EPB41L4A: variants seen among roughly 807,000 people sequenced by gnomAD.
The protein encoded by EPB41L4A is band 4.1-like protein 4A.
EPB41L4A carries 100 observed loss-of-function variants against 108.6 expected under a neutral mutation model. That is an observed-to-expected ratio of 0.92 (90% CI 0.78 to 1.09). EPB41L4A has a LOEUF of 1.09. EPB41L4A is among the 50% of genes least tolerant of loss of function. The pLI, the probability that EPB41L4A is intolerant of heterozygous loss-of-function variation, is 0.00. For missense variants in EPB41L4A, 1,030 were observed against 842.7 expected, an observed-to-expected ratio of 1.22 and a Z score of -2.75; for synonymous variants, 319 against 289.0, an observed-to-expected ratio of 1.10 and a Z score of -1.05.
intron 1 of EPB41L4A, among the ~76,000 whole-genome samples, chr5:112,354,214 G>C (rs994804624): frequency 6.6e-6 from 1 of 152,120 alleles, no homozygotes; most frequent in African/African-American, 2.4e-5. Flanking sequence ...CTCATTATAC[G>C]TTCCTCATCA....
chr5:112,268,253 C>T lies in EPB41L4A; in HGVS notation c.336-1923G>A, dbSNP rs146723420. On this transcript the variant is annotated intron_variant, in intron 4 of 22. Coordinates refer to ENST00000261486, the MANE Select transcript of EPB41L4A (RefSeq NM_022140.5). ...AAAAGTTAGGAGTGGTGGCGCATGC[C>T]GGTAGTCCCAGCTACTTGGGAAGGT... 2.9e-3 allele frequency among the ~76,000 whole-genome samples: 441 copies of T among 152,252 alleles called. 1 individual carries two copies. The highest frequency in any genetic ancestry group is 0.01 in the Middle Eastern group (3 of 294).
At position 112,273,596 on chromosome 5, in the gene EPB41L4A, A is replaced by G. The variant is rs534499044; in HGVS notation, c.335+1730T>C. 7.5e-4 allele frequency among the ~76,000 whole-genome samples: 115 copies of G among 152,334 alleles called. 2 individuals carry two copies. The highest frequency in any genetic ancestry group is 2.2e-3 in the African/African-American group (93 of 41,574). Reference sequence around the variant, plus strand: ...AACATAGTACGAGACACGGACAATCATAAGAGCTTTATATATATTATTCCA... The same window carrying G: ...AACATAGTACGAGACACGGACAATCGTAAGAGCTTTATATATATTATTCCA... On this transcript the variant is annotated intron_variant, in intron 4 of 22. Coordinates refer to ENST00000261486, the MANE Select transcript of EPB41L4A (RefSeq NM_022140.5).
At chr5:112,382,131 C>T (rs541136740) in intron 1 of EPB41L4A, among the ~76,000 whole-genome samples, 1 of 152,268 alleles carries the variant, frequency 6.6e-6, no homozygotes, top group African/African-American at 2.4e-5. Context: ...AACTTAACAT[C>T]CATTCTGGCT....
At chr5:112,196,038 C>T (rs1395163388) in intron 15 of EPB41L4A, among the ~76,000 whole-genome samples, 1 of 152,150 alleles carries the variant, frequency 6.6e-6, no homozygotes, top group Non-Finnish European at 1.5e-5. Context: ...CACTTGGATG[C>T]CCTTTCCCAT....
At chr5:112,359,762 C>A (rs907330869) in intron 1 of EPB41L4A, among the ~76,000 whole-genome samples, 1 of 152,050 alleles carries the variant, frequency 6.6e-6, no homozygotes, top group African/African-American at 2.4e-5. Flanking sequence ...GGATGGTCTC[C>A]ATCTCCTGAC....
At chr5:112,277,726 T>C (rs1040606050) in intron 3 of EPB41L4A, among the ~76,000 whole-genome samples, 8 of 152,232 alleles carry the variant, frequency 5.3e-5, no homozygotes, top group Non-Finnish European at 8.8e-5. Flanking sequence ...TACTCTCATA[T>C]GCATCACTGT....
At chr5:112,254,596 G>C (rs943208836) in intron 9 of EPB41L4A, among the ~76,000 whole-genome samples, 2 of 152,128 alleles carry the variant, frequency 1.3e-5, no homozygotes, top group African/African-American at 4.8e-5. Flanking sequence ...CCTAAGAAGA[G>C]TCAGGCTGAA....
At chr5:112,170,800 T>C (rs1200564105) in intron 19 of EPB41L4A, 145 bp downstream of exon 19, 1 of 693,976 alleles carries the variant, frequency 1.4e-6, no homozygotes, top group Non-Finnish European at 2.5e-6. Flanking sequence ...ACCACCACCA[T>C]GTGCTCCATG....
chr5:112,325,130 G>T (rs1253205270), intron 1 of EPB41L4A, among the ~76,000 whole-genome samples: 1 of 141,208 alleles, frequency 7.1e-6, no homozygotes, highest in Non-Finnish European at 1.5e-5. Flanking sequence ...CAAACTGCGA[G>T]AAATTACGCA....
At chr5:112,391,197 C>G (rs1006269460) in intron 1 of EPB41L4A, among the ~76,000 whole-genome samples, 2 of 152,132 alleles carry the variant, frequency 1.3e-5, no homozygotes, top group East Asian at 1.9e-4. Flanking sequence ...TCGCCAGCAA[C>G]AGAACTAAGC....
intron 1 of EPB41L4A, among the ~76,000 whole-genome samples, chr5:112,375,111 C>T (rs1401720705): frequency 6.6e-6 from 1 of 152,140 alleles, no homozygotes; most frequent in African/African-American, 2.4e-5. Context: ...GTCGTTGCTA[C>T]TTTTAGCTCC....
At chr5:112,237,170 TA>T (rs1749402584) in intron 11 of EPB41L4A, among the ~76,000 whole-genome samples, 1 of 152,202 alleles carries the variant, frequency 6.6e-6, no homozygotes, top group Non-Finnish European at 1.5e-5. Flanking sequence ...TAGCAATGTA[TA>T]ACAAAATGTT....
At chr5:112,214,568 C>G (rs1166066494) in intron 12 of EPB41L4A, among the ~76,000 whole-genome samples, 1 of 151,942 alleles carries the variant, frequency 6.6e-6, no homozygotes, top group African/African-American at 2.4e-5. Context: ...TCGAGACCAT[C>G]CTGGCTAAAG....
chr5:112,227,540 TATA>T (rs1189573847), intron 12 of EPB41L4A, among the ~76,000 whole-genome samples: 1 of 152,160 alleles, frequency 6.6e-6, no homozygotes, highest in Non-Finnish European at 1.5e-5. Flanking sequence ...TAAGTGACTT[TATA>T]ATATTACATG....
chr5:112,160,343 C>T (rs1561435458), downstream of EPB41L4A, among the ~76,000 whole-genome samples: 1 of 152,134 alleles, frequency 6.6e-6, no homozygotes, highest in Non-Finnish European at 1.5e-5. Context: ...TGTAGAATTT[C>T]AGCATCCGGG....
chr5:112,326,660 T>C (rs75109857), intron 1 of EPB41L4A, among the ~76,000 whole-genome samples: 1,694 of 152,290 alleles, frequency 0.011, 32 homozygotes, highest in African/African-American at 0.039. Context: ...AAAAAGGATG[T>C]TATGTGTGGC....
chr5:112,372,435 C>A (rs1209529905), intron 1 of EPB41L4A, among the ~76,000 whole-genome samples: 2 of 152,086 alleles, frequency 1.3e-5, no homozygotes, highest in African/African-American at 4.8e-5. Context: ...GACAGAGAGC[C>A]AAAACAAATC....
intron 1 of EPB41L4A, among the ~76,000 whole-genome samples, chr5:112,385,691 T>C (rs1580803729): frequency 1.3e-5 from 2 of 152,102 alleles, no homozygotes; most frequent in African/African-American, 4.8e-5. Context: ...GAGACTCCAA[T>C]AGACCAAAGG....
intron 17 of EPB41L4A, among the ~76,000 whole-genome samples, chr5:112,186,452 T>C (rs1017153483): frequency 6.6e-6 from 1 of 152,180 alleles, no homozygotes; most frequent in Non-Finnish European, 1.5e-5. Context: ...ATAATAGTAA[T>C]AAGGACCAAA....
Sources: allele counts gnomAD v4.1 joint callset (sites outside exome capture counted in the v4.1 genomes callset), GRCh38; gene constraint gnomAD v4.1.1; transcripts MANE v1.5; gene names NCBI Gene and HGNC (gene_info 2026-07-23, HGNC 2026-07-21).